The following CACHD1 variants were observed in gnomAD, a reference collection of about 807,000 sequenced individuals.
CACHD1 encodes VWFA and cache domain-containing protein 1.
Under a neutral mutation model 138.7 loss-of-function variants are expected in CACHD1, and 71 were observed. That is an observed-to-expected ratio of 0.51 (90% confidence interval 0.42 to 0.62). CACHD1 has a LOEUF of 0.62. Among genes scored for constraint, CACHD1 ranks in the 20% least tolerant of loss-of-function variants. The pLI is 0.00. For synonymous variants in CACHD1, 578 were observed against 591.5 expected (o/e 0.98, Z 0.33); for missense variants, 1,389 against 1,625.3 (o/e 0.85, Z 2.50).
intron 3 of CACHD1, among the ~76,000 whole-genome samples, chr1:64,594,569 A>G (rs987033879): frequency 2.0e-5 from 3 of 152,206 alleles, no homozygotes; most frequent in African/African-American, 7.2e-5. Context: ...GAGTACCCTT[A>G]TAGCAGAAAG....
rs764523144 is a variant in CACHD1, at chr1:64,691,516, C to T, written c.3780C>T (p.His1260=). Residue 1260 remains histidine (H), a synonymous_variant, in exon 27 of 27, where the codon CAC becomes CAT. Transcript: ENST00000651257. The part of the protein sequence containing the change: ...SHHPTLHHSH[H]LQAAVTVHTV... ...ACCCTACACTTCATCATAGCCACCA[C>T]TTACAGGCGGCCGTCACGGTACACA... 6.2e-7 allele frequency: 1 copy of T among 1,614,136 alleles called. No individual in the cohort carries two copies. The highest frequency in any genetic ancestry group is 8.5e-7 in the Non-Finnish European group (1 of 1,180,000).
intron 16 of CACHD1, among the ~76,000 whole-genome samples, chr1:64,667,926 G>A (rs1487516707): frequency 6.6e-6 from 1 of 152,218 alleles, no homozygotes; most frequent in Non-Finnish European, 1.5e-5. Context: ...ACATGTTTTT[G>A]TTGGGATTCA....
chr1:64,609,893 C>T (rs1286853154), intron 4 of CACHD1, among the ~76,000 whole-genome samples: 1 of 152,124 alleles, frequency 6.6e-6, no homozygotes, highest in Admixed American at 6.5e-5. Context: ...ATAATAAAGA[C>T]ATACCTGAGA....
At chr1:64,576,386 A>G (rs760205360) in intron 2 of CACHD1, among the ~76,000 whole-genome samples, 17 of 151,716 alleles carry the variant, frequency 1.1e-4, no homozygotes, top group Non-Finnish European at 2.2e-4. Context: ...TATTGGATAC[A>G]TTCAGGATTA....
chr1:64,590,967 ACT>A (rs1421376688), intron 3 of CACHD1, among the ~76,000 whole-genome samples: 28 of 152,040 alleles, frequency 1.8e-4, no homozygotes, highest in African/African-American at 6.5e-4. Flanking sequence ...TATTTCAGAG[ACT>A]CTTCCAACTT....
intron 2 of CACHD1, among the ~76,000 whole-genome samples, chr1:64,569,007 C>T (rs963593534): frequency 5.9e-5 from 9 of 152,192 alleles, no homozygotes; most frequent in Non-Finnish European, 7.4e-5. Context: ...CCACAACCTC[C>T]GCCTCCTGGA....
In CACHD1 at chr1:64,552,719, T is replaced by C. The variant is rs1402541704; in HGVS notation, c.261+2063T>C. 3.3e-5 allele frequency among the ~76,000 whole-genome samples: 5 copies of C among 152,288 alleles called. No homozygotes were observed. The East Asian group carries it at 9.6e-4, about 29-fold the overall frequency. ...GTCTCAAACTCCTCAGCGCAAACAA[T>C]CCTCCTGCCATGGCCTTCCAAAGTG... On this transcript the variant is annotated intron_variant, in intron 2 of 26. Coordinates refer to ENST00000651257, the MANE Select transcript of CACHD1 (RefSeq NM_020925.4).
intron 1 of CACHD1, among the ~76,000 whole-genome samples, chr1:64,518,894 A>G (rs561649978): frequency 6.6e-6 from 1 of 152,160 alleles, no homozygotes; most frequent in South Asian, 2.1e-4. Flanking sequence ...CTGTCAGGCT[A>G]TTTACAACCT....
intron 1 of CACHD1, among the ~76,000 whole-genome samples, chr1:64,473,318 G>A (rs936149386): frequency 4.6e-5 from 7 of 151,774 alleles, no homozygotes; most frequent in African/African-American, 1.7e-4. Context: ...AGTTAGACTG[G>A]TCGGAAAAAA....
chr1:64,681,541 G>GGTTTTTTTTTGT (rs1553146851), intron 25 of CACHD1, among the ~76,000 whole-genome samples: 1 of 68,132 alleles, frequency 1.5e-5, no homozygotes, highest in East Asian at 5.8e-4. Context: ...ATTTTATTGT[G>GGTTTTTTTTTGT]TTTTTTTTTT....
At chr1:64,652,349 G>C in intron 10 of CACHD1, 39 bp downstream of exon 10, 4 of 1,529,938 alleles carry the variant, frequency 2.6e-6, no homozygotes, top group Non-Finnish European at 2.7e-6. Flanking sequence ...TACTTTTTTA[G>C]AAACCTAAAG....
At chr1:64,664,344 C>T in intron 14 of CACHD1, 154 bp from the exon 15 acceptor site, 1 of 648,252 alleles carries the variant, frequency 1.5e-6, no homozygotes, top group Non-Finnish European at 2.6e-6. Flanking sequence ...TTATTTTCAC[C>T]AAGTTTGGTT....
At position 64,691,465 on chromosome 1, in the gene CACHD1, C is replaced by A; in HGVS notation, c.3729C>A (p.His1243Gln). Residue 1243 changes from histidine to glutamine, a missense_variant, in exon 27 of 27, where the codon CAC (histidine) becomes CAA (glutamine). Around this residue, in one of 5 missense-constraint regions of CACHD1, gnomAD observed 78 missense variants for 76.9 expected, o/e 1.01. Transcript: ENST00000651257. The part of the protein sequence containing the change: ...TPPQTAALLS[H>Q]KFHHYRSHHP... ...CTCAGACTGCTGCCCTACTAAGTCA[C>A]AAGTTCCACCACTACCGGTCACACC... The A allele has an allele frequency of 6.2e-7, 1 of 1,614,132 alleles. No individual in the cohort carries two copies. Among genetic ancestry groups the A allele is most frequent in the Non-Finnish European group, 8.5e-7 (1 of 1,180,016 alleles).
Position 64,634,229 on chromosome 1 carries a change from A to G in CACHD1, c.975A>G (p.Arg325=), listed in dbSNP as rs1229759576. The part of the protein sequence containing the change: ...VGFQKAFQLI[R]STNNNTKFQA... ...TCCAAAAGGCATTTCAGCTGATTCGAAGTACAAACAATAACACAAAGTTCC... is the reference window on the plus strand; with the variant it reads ...TCCAAAAGGCATTTCAGCTGATTCGGAGTACAAACAATAACACAAAGTTCC... Residue 325 remains arginine (R), a synonymous_variant, in exon 7 of 27, where the codon CGA becomes CGG. Transcript: ENST00000651257. 6.2e-7 allele frequency: 1 copy of G among 1,614,000 alleles called. No homozygotes were observed. Among genetic ancestry groups the G allele is most frequent in the South Asian group, 1.1e-5 (1 of 91,072 alleles).
At chr1:64,487,604 G>C (rs1255153990) in intron 1 of CACHD1, among the ~76,000 whole-genome samples, 6 of 151,978 alleles carry the variant, frequency 3.9e-5, no homozygotes. Context: ...ATTTTGGCTA[G>C]TGTCTTGGTT....
At chr1:64,627,274 G>A (rs931725395) in intron 4 of CACHD1, among the ~76,000 whole-genome samples, 3 of 152,088 alleles carry the variant, frequency 2.0e-5, no homozygotes, top group African/African-American at 7.2e-5. Context: ...GAGTGTGGCG[G>A]TGCCCACCTA....
At chr1:64,523,091 T>TTCTG (rs1331261190) in intron 1 of CACHD1, among the ~76,000 whole-genome samples, 1 of 152,222 alleles carries the variant, frequency 6.6e-6, no homozygotes. Context: ...GACTGGGTAT[T>TTCTG]TGGTGAAATT....
intron 26 of CACHD1, among the ~76,000 whole-genome samples, chr1:64,690,231 T>C (rs1356594068): frequency 2.0e-5 from 3 of 152,228 alleles, no homozygotes; most frequent in African/African-American, 7.2e-5. Flanking sequence ...TAAATAATTC[T>C]ATCATTTGAG....
intron 1 of CACHD1, among the ~76,000 whole-genome samples, chr1:64,515,100 G>A (rs1279114912): frequency 1.3e-5 from 2 of 152,142 alleles, no homozygotes; most frequent in African/African-American, 4.8e-5. Flanking sequence ...AGAAATAAAT[G>A]TATATGCTTA....
Sources: allele counts gnomAD v4.1 joint callset (sites outside exome capture counted in the v4.1 genomes callset), GRCh38; gene constraint gnomAD v4.1.1; regional missense constraint gnomAD v4.1.1; transcripts MANE v1.5; gene names NCBI Gene and HGNC (gene_info 2026-07-23, HGNC 2026-07-21).